Variants in CRPPA observed in about 807,000 individuals in gnomAD.
CRPPA encodes the protein D-ribitol-5-phosphate cytidylyltransferase.
In CRPPA, 43 loss-of-function variants were observed where a neutral mutation model predicts 52.0. That is an observed-to-expected ratio of 0.83 (90% CI 0.65 to 1.07). The LOEUF (loss-of-function observed/expected upper bound fraction) is 1.07, where lower values mean the gene tolerates loss of function less well. Among genes scored for constraint, CRPPA ranks in the 50% least tolerant of loss-of-function variants. The pLI is 0.00. For missense variants in CRPPA, 629 were observed against 551.7 expected, an observed-to-expected ratio of 1.14 and a Z score of -1.40; for synonymous variants, 250 against 203.5, an observed-to-expected ratio of 1.23 and a Z score of -1.94.
At chr7:16,393,131 G>A (rs911238333) in intron 2 of CRPPA, among the ~76,000 whole-genome samples, 3 of 152,090 alleles carry the variant, frequency 2.0e-5, no homozygotes, top group Non-Finnish European at 2.9e-5. Flanking sequence ...TCCAGAGCAA[G>A]GTGGGAGCCT....
chr7:16,099,039 G>A (rs973694445), intron 9 of CRPPA, among the ~76,000 whole-genome samples: 1 of 152,122 alleles, frequency 6.6e-6, no homozygotes, highest in African/African-American at 2.4e-5. Context: ...TAGAAACAGG[G>A]CCTTACAATA....
At chr7:16,374,205 G>C (rs1786820727) in intron 3 of CRPPA, among the ~76,000 whole-genome samples, 1 of 152,128 alleles carries the variant, frequency 6.6e-6, no homozygotes, top group Non-Finnish European at 1.5e-5. Flanking sequence ...AGCACAGCTA[G>C]AACGAAGCAG....
chr7:16,128,183 G>C (rs1782616461), intron 9 of CRPPA, among the ~76,000 whole-genome samples: 1 of 152,044 alleles, frequency 6.6e-6, no homozygotes. Context: ...TTAATACTTA[G>C]GTGATGGGAT....
At chr7:16,418,184 A>T (rs1412545126) in intron 1 of CRPPA, among the ~76,000 whole-genome samples, 1 of 152,222 alleles carries the variant, frequency 6.6e-6, no homozygotes, top group African/African-American at 2.4e-5. Context: ...ACACTGCTAT[A>T]AAGCAAGCTT....
intron 2 of CRPPA, among the ~76,000 whole-genome samples, chr7:16,399,706 A>G (rs891771024): frequency 9.2e-5 from 14 of 151,906 alleles, no homozygotes; most frequent in African/African-American, 2.2e-4. Flanking sequence ...ACACGTGACC[A>G]ACATGACTGA....
intron 9 of CRPPA, among the ~76,000 whole-genome samples, chr7:16,180,663 G>A (rs142955969): frequency 1.3e-5 from 2 of 152,016 alleles, no homozygotes; most frequent in Non-Finnish European, 1.5e-5. Flanking sequence ...AGGTTTCACT[G>A]TGAAATGCCA....
At chr7:16,357,827 C>T (rs997945217) in intron 3 of CRPPA, among the ~76,000 whole-genome samples, 1 of 152,126 alleles carries the variant, frequency 6.6e-6, no homozygotes, top group Non-Finnish European at 1.5e-5. Flanking sequence ...CATACCCTCT[C>T]CATATCTGAG....
chr7:16,406,350 T>C lies in CRPPA; in HGVS notation c.258-13A>G, dbSNP rs909737277. ...TATCCAACATACTCTAAAAGGAAAG[T>C]ATATGTACAATTCGTAAATTAATTC... is the stretch of plus-strand genomic sequence containing the variant. On this transcript the variant is annotated splice_polypyrimidine_tract_variant and intron_variant, in intron 1 of 9. Coordinates refer to ENST00000407010, the MANE Select transcript of CRPPA (RefSeq NM_001101426.4). The C allele has an allele frequency of 1.9e-6, 3 of 1,600,288 alleles. No homozygotes were observed. The highest frequency in any genetic ancestry group is 2.2e-5 in the South Asian group (2 of 90,244).
intron 3 of CRPPA, among the ~76,000 whole-genome samples, chr7:16,310,497 G>A (rs529643550): frequency 6.6e-6 from 1 of 152,080 alleles, no homozygotes; most frequent in Admixed American, 6.6e-5. Context: ...TAAAGCACTC[G>A]AGAAAATCGA....
At chr7:16,163,279 G>T (rs560946086) in intron 9 of CRPPA, among the ~76,000 whole-genome samples, 33 of 151,858 alleles carry the variant, frequency 2.2e-4, no homozygotes, top group African/African-American at 8.0e-4. Context: ...TGGGCCGCTT[G>T]TCTTTTTTGA....
chr7:16,193,784 A>T (rs1781666343), intron 9 of CRPPA, among the ~76,000 whole-genome samples: 1 of 152,086 alleles, frequency 6.6e-6, no homozygotes, highest in Non-Finnish European at 1.5e-5. Flanking sequence ...CGGGACAAAA[A>T]TACCTCAAGG....
In CRPPA at chr7:16,167,614, T is replaced by C. The variant is rs923060109; in HGVS notation, c.1251+48452A>G. Among the ~76,000 whole-genome samples the C allele has an allele frequency of 3.9e-5, 6 of 152,312 alleles. No homozygotes were observed. In the East Asian group the frequency reaches 7.7e-4, roughly 20 times the overall value. ...AATGGGCTTGTGAATATTCCAACTT[T>C]CTGCTTATCAGCTGTCTTATTTAGG... On this transcript the variant is annotated intron_variant, in intron 9 of 9. Transcript: ENST00000407010.
intron 3 of CRPPA, among the ~76,000 whole-genome samples, chr7:16,338,941 G>A (rs936143467): frequency 2.0e-5 from 3 of 150,370 alleles, no homozygotes; most frequent in South Asian, 4.2e-4. Flanking sequence ...TCAGCCTCCC[G>A]AGTAGCTGGG....
intron 9 of CRPPA, among the ~76,000 whole-genome samples, chr7:16,131,899 C>T (rs1231149076): frequency 6.6e-6 from 1 of 152,180 alleles, no homozygotes; most frequent in African/African-American, 2.4e-5. Context: ...CAAAGGTCAT[C>T]AGGCAGAGCT....
chr7:16,115,423 ATT>A (rs1782350443), intron 9 of CRPPA, among the ~76,000 whole-genome samples: 1 of 152,170 alleles, frequency 6.6e-6, no homozygotes, highest in Admixed American at 6.6e-5. Flanking sequence ...TTTTAGCTAG[ATT>A]ATAAATTACA....
intron 9 of CRPPA, among the ~76,000 whole-genome samples, chr7:16,143,135 C>T (rs1191681118): frequency 6.6e-6 from 1 of 152,176 alleles, no homozygotes; most frequent in African/African-American, 2.4e-5. Context: ...GTCTGCATCA[C>T]AATCATTACC....
rs112299699 is a variant in CRPPA, at chr7:16,099,298, A to G, written c.1252-7499T>C. Among the ~76,000 whole-genome samples, 444 of 151,058 alleles carry G rather than the reference A, an allele frequency of 2.9e-3. 2 individuals are homozygous for G. The highest frequency in any genetic ancestry group is 0.011 in the African/African-American group (432 of 41,142). On this transcript the variant is annotated intron_variant, in intron 9 of 9. Transcript: ENST00000407010. Reference sequence around the variant, plus strand: ...AGGGGCAGAAAAAAAAAGGAAAGAAAAAAAGGAAAGGGAAGGAAAAAACAA... The same window carrying G: ...AGGGGCAGAAAAAAAAAGGAAAGAAGAAAAGGAAAGGGAAGGAAAAAACAA...
intron 9 of CRPPA, among the ~76,000 whole-genome samples, chr7:16,105,986 G>A (rs897579857): frequency 1.3e-5 from 2 of 152,084 alleles, no homozygotes; most frequent in Non-Finnish European, 2.9e-5. Context: ...GCTCCAGTAA[G>A]CCAATAAGCC....
At chr7:16,298,076 T>C (rs564969629) in intron 5 of CRPPA, among the ~76,000 whole-genome samples, 1 of 152,294 alleles carries the variant, frequency 6.6e-6, no homozygotes, top group East Asian at 1.9e-4. Context: ...GTTCTCTCTT[T>C]CCTATGCCCA....
Sources: gnomAD v4.1 joint callset for allele counts (sites outside exome capture counted in the v4.1 genomes callset) on GRCh38, gnomAD v4.1.1 for gene constraint, MANE v1.5 for transcripts, NCBI Gene and HGNC (gene_info 2026-07-23, HGNC 2026-07-21) for gene names.